Variants in BTBD9 observed in about 807,000 individuals in gnomAD.
The protein encoded by BTBD9 is BTB domain containing 9, also known as BTB/POZ domain-containing protein 9.
In BTBD9, 49 loss-of-function variants were observed where a neutral mutation model predicts 64.3. That is an observed-to-expected ratio of 0.76 (90% confidence interval 0.61 to 0.97). The LOEUF (loss-of-function observed/expected upper bound fraction) is 0.97. Among genes scored for constraint, BTBD9 ranks in the 50% least tolerant of loss-of-function variants. The pLI, the probability that BTBD9 is intolerant of heterozygous loss-of-function variation, is 0.00. For missense variants in BTBD9, 598 were observed against 762.1 expected, an observed-to-expected ratio of 0.78 and a Z score of 2.53; for synonymous variants, 260 against 274.7, an observed-to-expected ratio of 0.95 and a Z score of 0.53.
At chr6:38,378,873 CAAA>C (rs61334171) in intron 6 of BTBD9, among the ~76,000 whole-genome samples, 5 of 110,264 alleles carry the variant, frequency 4.5e-5, no homozygotes, top group Non-Finnish European at 4.1e-5. Flanking sequence ...GACTCCATCT[CAAA>C]AAAAAAAAAA....
At chr6:38,578,186 A>C (rs969640531) in intron 5 of BTBD9, among the ~76,000 whole-genome samples, 1 of 152,110 alleles carries the variant, frequency 6.6e-6, no homozygotes, top group Non-Finnish European at 1.5e-5. Flanking sequence ...CTAAGGAAGA[A>C]AGTCAACTTG....
At chr6:38,561,801 G>A (rs1301654212) in intron 6 of BTBD9, among the ~76,000 whole-genome samples, 1 of 152,078 alleles carries the variant, frequency 6.6e-6, no homozygotes, top group African/African-American at 2.4e-5. Flanking sequence ...ATGGGGCAAG[G>A]GCTGAAAAAC....
In BTBD9 at chr6:38,238,557, C is replaced by T. The variant is rs574132970; in HGVS notation, c.1562+17852G>A. Among the ~76,000 whole-genome samples, 324 of 147,818 alleles carry T rather than the reference C, an allele frequency of 2.2e-3. 2 individuals carry two copies. Among genetic ancestry groups the T allele is most frequent in the Middle Eastern group, 3.7e-3 (1 of 270 alleles). On this transcript the variant is annotated intron_variant, in intron 9 of 10. Transcript: ENST00000481247. Reference sequence around the variant, plus strand: ...GCACGATCTCGGCTCACTGCAAGCTCCACCTCCCGGGTTCACACCATTGTC... The same window carrying T: ...GCACGATCTCGGCTCACTGCAAGCTTCACCTCCCGGGTTCACACCATTGTC...
chr6:38,434,178 T>A (rs146895356), intron 6 of BTBD9, among the ~76,000 whole-genome samples: 4 of 152,158 alleles, frequency 2.6e-5, no homozygotes, highest in African/African-American at 7.2e-5. Context: ...AAAATTTGCA[T>A]CTGTAAAGAA....
intron 6 of BTBD9, among the ~76,000 whole-genome samples, chr6:38,527,049 T>C (rs913444295): frequency 2.6e-5 from 4 of 151,774 alleles, no homozygotes; most frequent in Non-Finnish European, 4.4e-5. Flanking sequence ...GCCAGGCAGA[T>C]GGATCATCTG....
At chr6:38,389,093 T>C (rs1369895890) in intron 6 of BTBD9, among the ~76,000 whole-genome samples, 1 of 152,216 alleles carries the variant, frequency 6.6e-6, no homozygotes, top group Non-Finnish European at 1.5e-5. Flanking sequence ...ATTTATAGTA[T>C]AGTGATTAAT....
At chr6:38,206,189 T>G (rs907658210) in intron 9 of BTBD9, among the ~76,000 whole-genome samples, 2 of 151,676 alleles carry the variant, frequency 1.3e-5, no homozygotes, top group Non-Finnish European at 2.9e-5. Context: ...CACAGAAAAT[T>G]AATGAAGGAT....
chr6:38,616,975 C>T (rs1213324946), intron 1 of BTBD9, among the ~76,000 whole-genome samples: 2 of 152,162 alleles, frequency 1.3e-5, no homozygotes, highest in East Asian at 3.9e-4. Context: ...TCCAGGATAT[C>T]GCTATGCGGT....
At chr6:38,323,258 C>A (rs1332320589) in intron 7 of BTBD9, among the ~76,000 whole-genome samples, 2 of 152,182 alleles carry the variant, frequency 1.3e-5, no homozygotes, top group African/African-American at 4.8e-5. Context: ...CAAATCCCCT[C>A]CCTCTGCTAA....
At chr6:38,402,412 T>C (rs1457187040) in intron 6 of BTBD9, among the ~76,000 whole-genome samples, 4 of 151,862 alleles carry the variant, frequency 2.6e-5, no homozygotes, top group Non-Finnish European at 5.9e-5. Context: ...GTTAGAAGAA[T>C]CACATTTCCT....
At position 38,169,878 on chromosome 6, in the gene BTBD9, T is replaced by C. The variant is rs1379950089; in HGVS notation, c.*5107A>G. 7.7e-6 allele frequency: 1 copy of C among 130,364 alleles called. No homozygotes were observed. Among genetic ancestry groups the C allele is most frequent in the Non-Finnish European group, 1.7e-5 (1 of 58,292 alleles). 8.1% of individuals were successfully genotyped at this position (130,364 alleles called of 1,614,324 possible). On this transcript the variant is annotated 3_prime_UTR_variant, in exon 11 of 11. Transcript: ENST00000481247. Reference sequence around the variant, plus strand: ...GTGAGTCTTCAGGCCATGAGGCCTCTTGGGGACTATTTCAGTTCTTTAAAA... The same window carrying C: ...GTGAGTCTTCAGGCCATGAGGCCTCCTGGGGACTATTTCAGTTCTTTAAAA...
chr6:38,385,189 C>A (rs935947124), intron 6 of BTBD9, among the ~76,000 whole-genome samples: 1 of 147,676 alleles, frequency 6.8e-6, no homozygotes, highest in Non-Finnish European at 1.5e-5. Context: ...GAAAATCTTA[C>A]GTACTTTTTT....
In BTBD9 at chr6:38,597,897, A is replaced by G. The variant is rs1777101309; in HGVS notation, c.185+13T>C. 4 of 1,612,614 alleles carry G rather than the reference A, an allele frequency of 2.5e-6. No individual in the cohort carries two copies. Among genetic ancestry groups the G allele is most frequent in the Non-Finnish European group, 3.4e-6 (4 of 1,179,150 alleles). ...AGTGAACTAAATTTTCAAAAAAAGTATTACACACTTACCGAAAATATTGGC... is the reference window on the plus strand; with the variant it reads ...AGTGAACTAAATTTTCAAAAAAAGTGTTACACACTTACCGAAAATATTGGC... On this transcript the variant is annotated intron_variant, in intron 2 of 10. Coordinates refer to ENST00000481247, the MANE Select transcript of BTBD9 (RefSeq NM_001099272.2).
At chr6:38,450,028 T>C (rs1192154958) in intron 6 of BTBD9, among the ~76,000 whole-genome samples, 1 of 152,182 alleles carries the variant, frequency 6.6e-6, no homozygotes, top group African/African-American at 2.4e-5. Context: ...TAAGTGTCCA[T>C]CAATGAATGA....
At chr6:38,411,975 A>G (rs933417571) in intron 6 of BTBD9, among the ~76,000 whole-genome samples, 2 of 152,140 alleles carry the variant, frequency 1.3e-5, no homozygotes, top group African/African-American at 4.8e-5. Flanking sequence ...ATACACACAC[A>G]CATACATATA....
chr6:38,391,096 G>T (rs527309702), intron 6 of BTBD9, among the ~76,000 whole-genome samples: 1 of 152,172 alleles, frequency 6.6e-6, no homozygotes, highest in South Asian at 2.1e-4. Flanking sequence ...CATTCATTCA[G>T]TCAGTTTACT....
At chr6:38,438,373 G>A (rs1300246270) in intron 6 of BTBD9, among the ~76,000 whole-genome samples, 3 of 152,184 alleles carry the variant, frequency 2.0e-5, no homozygotes, top group African/African-American at 7.2e-5. Context: ...CCGTTGAAGT[G>A]GAGAAATGGT....
intron 10 of BTBD9, chr6:38,179,284 TC>T (rs1761433529): frequency 2.8e-6 from 1 of 358,606 alleles, no homozygotes; most frequent in African/African-American, 2.1e-5. Flanking sequence ...AACCTTGGAA[TC>T]CCCTGATTTA....
intron 6 of BTBD9, among the ~76,000 whole-genome samples, chr6:38,442,281 T>C (rs1769068640): frequency 1.3e-5 from 2 of 151,536 alleles, no homozygotes; most frequent in Non-Finnish European, 2.9e-5. Context: ...AGGTCAGGAG[T>C]TCGACACCAG....
Sources: gnomAD v4.1 joint callset for allele counts (sites outside exome capture counted in the v4.1 genomes callset) on GRCh38, gnomAD v4.1.1 for gene constraint, MANE v1.5 for transcripts, NCBI Gene and HGNC (gene_info 2026-07-23, HGNC 2026-07-21) for gene names.